FBXL17: variants seen among roughly 807,000 people sequenced by gnomAD.
FBXL17 encodes the protein F-box and leucine rich repeat protein 17, also known as F-box/LRR-repeat protein 17.
In FBXL17, 22 loss-of-function variants were observed where a neutral mutation model predicts 66.2. That is an observed-to-expected ratio of 0.33 (90% CI 0.24 to 0.47). FBXL17 has a LOEUF of 0.47. Among genes scored for constraint, FBXL17 ranks in the 20% least tolerant of loss-of-function variants. The probability of loss-of-function intolerance (pLI) is 1.00; values close to 1 mark genes in which losing one functional copy is unlikely to be tolerated. For missense variants in FBXL17, 878 were observed against 948.2 expected, an observed-to-expected ratio of 0.93 and a Z score of 0.97; for synonymous variants, 474 against 400.5, an observed-to-expected ratio of 1.18 and a Z score of -2.19.
At chr5:108,167,395 CCAAA>C (rs926038849) in intron 6 of FBXL17, among the ~76,000 whole-genome samples, 3 of 152,042 alleles carry the variant, frequency 2.0e-5, no homozygotes, top group Admixed American at 2.0e-4. Context: ...GATTAAGCCT[CCAAA>C]CATTTCACTA....
chr5:108,355,825 A>T (rs1048955912), intron 3 of FBXL17, among the ~76,000 whole-genome samples: 2 of 152,190 alleles, frequency 1.3e-5, no homozygotes, highest in Admixed American at 1.3e-4. Flanking sequence ...AAATATTAGC[A>T]AAGAACTAGG....
Position 108,380,763 on chromosome 5 carries a change from C to A in FBXL17, c.929G>T (p.Cys310Phe). 8.0e-7 allele frequency: 1 copy of A among 1,249,572 alleles called. No homozygotes were observed. The highest frequency in any genetic ancestry group is 1.0e-6 in the Non-Finnish European group (1 of 989,370). The allele number at this position is 1,249,572 out of a possible 1,614,324, so 77.4% of individuals were successfully genotyped here. A position where few individuals can be genotyped will look rare whatever the true frequency, so the allele number is the denominator to read the frequency against. ...GGTTTCGGGGGGCGGCTCCCTGTGA[C>A]AGTCGCAGGGGTTTTCGGGGGACTC... ...CRESPENPCD[C>F]HREPPPETPD... is the part of the protein sequence containing the mutation. The change falls in exon 1 of 9, where the codon TGT (cysteine) becomes TTT (phenylalanine). Residue 310 changes from cysteine (C) to phenylalanine (F), a missense_variant. By Grantham distance (205) the Cys-to-Phe change is radical. Transcript: ENST00000542267.
chr5:107,925,824 C>T (rs1306112236), intron 7 of FBXL17, among the ~76,000 whole-genome samples: 1 of 152,154 alleles, frequency 6.6e-6, no homozygotes, highest in African/African-American at 2.4e-5. Context: ...AAATCCTTGC[C>T]TCAGAGTCTA....
At chr5:107,932,884 C>T (rs188908159) in intron 7 of FBXL17, among the ~76,000 whole-genome samples, 42 of 152,018 alleles carry the variant, frequency 2.8e-4, no homozygotes, top group Admixed American at 2.0e-3. Context: ...TAAGATGTCT[C>T]GTTCAGTGTT....
At chr5:107,963,772 T>A (rs1319087367) in intron 7 of FBXL17, among the ~76,000 whole-genome samples, 5 of 152,124 alleles carry the variant, frequency 3.3e-5, no homozygotes, top group African/African-American at 1.2e-4. Flanking sequence ...GCATGGAAAA[T>A]CATGTTGCTT....
chr5:108,236,555 AAAAC>A (rs1201998440), intron 4 of FBXL17, among the ~76,000 whole-genome samples: 8 of 152,162 alleles, frequency 5.3e-5, no homozygotes, highest in South Asian at 2.1e-4. Context: ...ACACAAAACA[AAAAC>A]AAACAAACAA....
chr5:108,058,905 T>C (rs1747816384), intron 6 of FBXL17, among the ~76,000 whole-genome samples: 2 of 152,160 alleles, frequency 1.3e-5, no homozygotes, highest in East Asian at 1.9e-4. Flanking sequence ...TTTAGCTGAA[T>C]ATGTCTGTGG....
intron 6 of FBXL17, among the ~76,000 whole-genome samples, chr5:108,064,363 T>C (rs904178110): frequency 1.3e-5 from 2 of 152,212 alleles, no homozygotes; most frequent in African/African-American, 4.8e-5. Context: ...CATTTCAGTC[T>C]GTGAAATAAA....
chr5:108,157,215 C>G (rs1480227287), intron 6 of FBXL17, among the ~76,000 whole-genome samples: 1 of 147,126 alleles, frequency 6.8e-6, no homozygotes, highest in Non-Finnish European at 1.5e-5. Context: ...GGAAAACATA[C>G]AAATGTGATA....
chr5:108,009,298 T>TATAGAGATAGATAGATAGATAG (rs1554056628), intron 7 of FBXL17, among the ~76,000 whole-genome samples: 1 of 71,450 alleles, frequency 1.4e-5, no homozygotes, highest in Non-Finnish European at 2.5e-5. Flanking sequence ...TATATATATA[T>TATAGAGATAGATAGATAGATAG]ATACATATAT....
chr5:108,159,769 A>C (rs546779217), intron 6 of FBXL17, among the ~76,000 whole-genome samples: 1 of 152,334 alleles, frequency 6.6e-6, no homozygotes, highest in Non-Finnish European at 1.5e-5. Flanking sequence ...TAATGGGTGA[A>C]ATTAATGAAA....
At chr5:108,040,838 A>C (rs1049201287) in intron 6 of FBXL17, among the ~76,000 whole-genome samples, 5 of 152,178 alleles carry the variant, frequency 3.3e-5, no homozygotes, top group African/African-American at 9.6e-5. Context: ...TAGGAAGATA[A>C]AAGTGGAGTG....
At chr5:107,952,742 T>C (rs1267749931) in intron 7 of FBXL17, among the ~76,000 whole-genome samples, 2 of 152,230 alleles carry the variant, frequency 1.3e-5, no homozygotes, top group Non-Finnish European at 2.9e-5. Context: ...AAATGGCATG[T>C]TGAAATATTC....
At position 108,381,722 on chromosome 5, in the gene FBXL17, G is replaced by C; in HGVS notation, c.-31C>G. 2 of 1,407,818 alleles carry C rather than the reference G, an allele frequency of 1.4e-6. No individual in the cohort carries two copies. The highest frequency in any genetic ancestry group is 2.2e-4 in the Middle Eastern group (1 of 4,470). The allele number at this position is 1,407,818 out of a possible 1,614,324, so 87.2% of individuals were successfully genotyped here. A position where few individuals can be genotyped will look rare whatever the true frequency, so the allele number is the denominator to read the frequency against. On this transcript the variant is annotated 5_prime_UTR_variant, in exon 1 of 9. Coordinates refer to ENST00000542267, the MANE Select transcript of FBXL17 (RefSeq NM_001163315.3). The stretch of plus-strand genomic sequence containing the variant: ...AGGCCCCGAGGAGGGGGACCGGGAC[G>C]GGAGGGAGGGAGACCCAGAGAGGCG...
chr5:108,354,011 T>C (rs892796964), intron 3 of FBXL17, among the ~76,000 whole-genome samples: 2 of 152,194 alleles, frequency 1.3e-5, no homozygotes, highest in African/African-American at 4.8e-5. Context: ...CATTTATCAG[T>C]TGAGCATGCT....
chr5:108,078,062 A>T (rs1335986233), intron 6 of FBXL17, among the ~76,000 whole-genome samples: 1 of 152,198 alleles, frequency 6.6e-6, no homozygotes, highest in African/African-American at 2.4e-5. Context: ...TAGTCTATAG[A>T]CTACTCCAGA....
intron 5 of FBXL17, among the ~76,000 whole-genome samples, chr5:108,193,231 G>A (rs539739892): frequency 4.6e-5 from 7 of 152,216 alleles, no homozygotes; most frequent in African/African-American, 9.6e-5. Context: ...ACACTAATCC[G>A]CCAAACAGCT....
intron 7 of FBXL17, among the ~76,000 whole-genome samples, chr5:108,003,884 A>C (rs1054071262): frequency 6.6e-6 from 1 of 152,182 alleles, no homozygotes; most frequent in Non-Finnish European, 1.5e-5. Flanking sequence ...TCCAGAATAG[A>C]GATAATGGGA....
At chr5:108,118,001 T>C (rs372162599) in intron 6 of FBXL17, among the ~76,000 whole-genome samples, 2 of 151,464 alleles carry the variant, frequency 1.3e-5, no homozygotes, top group African/African-American at 2.4e-5. Context: ...TGGAGGGAGG[T>C]TGAAGTTTCC....
Sources: allele counts gnomAD v4.1 joint callset (sites outside exome capture counted in the v4.1 genomes callset), GRCh38; gene constraint gnomAD v4.1.1; transcripts MANE v1.5; gene names NCBI Gene and HGNC (gene_info 2026-07-23, HGNC 2026-07-21).